The following JARID2 variants were observed in gnomAD, a reference collection of about 807,000 sequenced individuals.
The protein encoded by JARID2 is protein Jumonji.
A neutral mutation model predicts 125.6 loss-of-function variants in JARID2; 21 were observed. The observed-to-expected ratio is 0.17, with a 90% CI of 0.12 to 0.24. JARID2 has a LOEUF of 0.24. JARID2 is among the 10% of genes least tolerant of loss of function. The pLI is 1.00. For missense variants in JARID2, 1,303 were observed against 1,639.6 expected, an observed-to-expected ratio of 0.79 and a Z score of 3.55; for synonymous variants, 736 against 661.6, an observed-to-expected ratio of 1.11 and a Z score of -1.73.
At position 15,496,839 on chromosome 6, in the gene JARID2, C is replaced by T. The variant is rs766192727; in HGVS notation, c.1614C>T (p.Asp538=). ...SQPESVHKPQ[D]SGKAEKGGGK... ...CGGAGTCCGTGCACAAGCCGCAGGACTCGGGCAAGGCCGAGAAGGGCGGCG... is the reference window on the plus strand; with the variant it reads ...CGGAGTCCGTGCACAAGCCGCAGGATTCGGGCAAGGCCGAGAAGGGCGGCG... The change falls in exon 7 of 18, where the codon GAC becomes GAT. Residue 538 remains aspartate, a synonymous_variant. Coordinates refer to ENST00000341776, the MANE Select transcript of JARID2 (RefSeq NM_004973.4). 4 of 1,602,806 alleles carry T rather than the reference C, an allele frequency of 2.5e-6. No homozygotes were observed. The highest frequency in any genetic ancestry group is 1.7e-5 in the Admixed American group (1 of 59,514).
At chr6:15,508,033 G>A (rs1365445093) in intron 11 of JARID2, among the ~76,000 whole-genome samples, 1 of 152,240 alleles carries the variant, frequency 6.6e-6, no homozygotes, top group Non-Finnish European at 1.5e-5. Context: ...CCTCAGCCTT[G>A]AGGCTTGGGG....
At chr6:15,460,139 C>T (rs1323568536) in intron 4 of JARID2, among the ~76,000 whole-genome samples, 1 of 152,128 alleles carries the variant, frequency 6.6e-6, no homozygotes, top group Non-Finnish European at 1.5e-5. Context: ...TTACCTGTTT[C>T]ATTTGTTGGG....
chr6:15,249,570 A>G (rs79777194), intron 1 of JARID2, among the ~76,000 whole-genome samples: 11,650 of 152,258 alleles, frequency 0.077, 475 homozygotes, highest in Admixed American at 0.12. Context: ...AGTCACTGAA[A>G]AGATCATGTG....
At chr6:15,456,878 C>CTTTTTTTTTTTTTTTTTT (rs71535043) in intron 4 of JARID2, among the ~76,000 whole-genome samples, 4 of 95,672 alleles carry the variant, frequency 4.2e-5, no homozygotes, top group African/African-American at 1.6e-4. Context: ...GGATGTTAAG[C>CTTTTTTTTTTTTTTTTTT]TTTTTTTTTT....
intron 1 of JARID2, among the ~76,000 whole-genome samples, chr6:15,349,769 A>C (rs1036070559): frequency 3.3e-5 from 5 of 152,138 alleles, no homozygotes; most frequent in African/African-American, 1.2e-4. Context: ...AAGGCTGGGG[A>C]TGCTACCTCC....
intron 6 of JARID2, among the ~76,000 whole-genome samples, chr6:15,495,420 C>T (rs973462454): frequency 6.6e-6 from 1 of 152,060 alleles, no homozygotes; most frequent in Non-Finnish European, 1.5e-5. Context: ...GTTGCTTCAA[C>T]AGTGAGGTCG....
At position 15,471,261 on chromosome 6, in the gene JARID2, A is replaced by AC. The variant is rs536252747; in HGVS notation, c.670+2543_670+2544insC. Among the ~76,000 whole-genome samples the AC allele has an allele frequency of 2.0e-4, 30 of 152,340 alleles. 1 individual carries two copies. In the East Asian group the frequency reaches 5.4e-3, roughly 27 times the overall value. On this transcript the variant is annotated intron_variant, in intron 5 of 17. Coordinates refer to ENST00000341776, the MANE Select transcript of JARID2 (RefSeq NM_004973.4). ...ATTGAGAATACACCAGGAATTTATC[A>AC]TTTTGGAGCTGCTGCTTGAAGCCTC...
At chr6:15,375,495 A>G (rs1764318808) in intron 2 of JARID2, among the ~76,000 whole-genome samples, 1 of 152,234 alleles carries the variant, frequency 6.6e-6, no homozygotes, top group South Asian at 2.1e-4. Flanking sequence ...TGCAGAAAAC[A>G]AAATAAGTTG....
At chr6:15,404,131 C>T (rs936771921) in intron 2 of JARID2, among the ~76,000 whole-genome samples, 5 of 152,206 alleles carry the variant, frequency 3.3e-5, no homozygotes, top group Admixed American at 2.0e-4. Flanking sequence ...CATTTGTTCT[C>T]AGTCACACCA....
At chr6:15,258,847 G>A (rs189423236) in intron 1 of JARID2, among the ~76,000 whole-genome samples, 9 of 152,228 alleles carry the variant, frequency 5.9e-5, no homozygotes, top group Non-Finnish European at 1.0e-4. Context: ...AAGTCTTACA[G>A]ATTCTTGTGG....
chr6:15,386,816 C>CT lies in JARID2; in HGVS notation c.181+12566dup, dbSNP rs141267244. Among the ~76,000 whole-genome samples the CT allele has an allele frequency of 7.5e-3, 1,141 of 152,304 alleles. 15 individuals are homozygous for CT. The highest frequency in any genetic ancestry group is 0.026 in the African/African-American group (1,082 of 41,552). On this transcript the variant is annotated intron_variant, in intron 2 of 17. Transcript: ENST00000341776. Reference sequence around the variant, plus strand: ...ATCCCCTTAGCAGCTCCAGAAGTGGCTTATGTAGGCACAGTGTTGGAATAA... The same window carrying CT: ...ATCCCCTTAGCAGCTCCAGAAGTGGCTTTATGTAGGCACAGTGTTGGAATAA...
intron 6 of JARID2, among the ~76,000 whole-genome samples, chr6:15,488,066 C>T (rs749198586): frequency 3.3e-5 from 5 of 152,312 alleles, no homozygotes; most frequent in African/African-American, 1.2e-4. Flanking sequence ...CCACTGAAGG[C>T]ATTTGAGTCC....
chr6:15,460,757 T>A (rs1768407850), intron 4 of JARID2, among the ~76,000 whole-genome samples: 1 of 152,214 alleles, frequency 6.6e-6, no homozygotes, highest in African/African-American at 2.4e-5. Flanking sequence ...CAGGCTGGAG[T>A]GCAGTGGCGT....
intron 3 of JARID2, among the ~76,000 whole-genome samples, chr6:15,449,847 G>A (rs531921752): frequency 6.6e-6 from 1 of 152,204 alleles, no homozygotes; most frequent in East Asian, 1.9e-4. Flanking sequence ...TCATAGGGGA[G>A]ACAAGAGTAG....
intron 4 of JARID2, among the ~76,000 whole-genome samples, chr6:15,460,057 G>T (rs1209896808): frequency 6.6e-6 from 1 of 152,094 alleles, no homozygotes; most frequent in Non-Finnish European, 1.5e-5. Context: ...GTTTGAGAAC[G>T]GTGTCATCAC....
chr6:15,291,018 G>T (rs1194052050), intron 1 of JARID2, among the ~76,000 whole-genome samples: 1 of 152,166 alleles, frequency 6.6e-6, no homozygotes, highest in East Asian at 1.9e-4. Context: ...GAGATCATTT[G>T]AACTCAGGAG....
At chr6:15,415,827 C>CCCCGACCT (rs1766162043) in intron 3 of JARID2, among the ~76,000 whole-genome samples, 2 of 135,646 alleles carry the variant, frequency 1.5e-5, no homozygotes, top group Non-Finnish European at 3.2e-5. Flanking sequence ...GGGGCTGACC[C>CCCCGACCT]CCCCACCTCC....
At chr6:15,331,051 CAA>C (rs1265359546) in intron 1 of JARID2, among the ~76,000 whole-genome samples, 3 of 152,004 alleles carry the variant, frequency 2.0e-5, no homozygotes, top group African/African-American at 7.3e-5. Context: ...TTTAATAAAG[CAA>C]AAAGGCTGGA....
In JARID2 at chr6:15,377,071, A is replaced by T. The variant is rs139073628; in HGVS notation, c.181+2819A>T. On this transcript the variant is annotated intron_variant, in intron 2 of 17. Transcript: ENST00000341776. ...GATACTTTATAGTCAGCCATCACTC[A>T]TGTCCTATCTCATAGAAACACTTCC... 3.3e-3 allele frequency among the ~76,000 whole-genome samples: 505 copies of T among 152,358 alleles called. 4 individuals are homozygous for T. Among genetic ancestry groups the T allele is most frequent in the African/African-American group, 0.012 (487 of 41,578 alleles).
Sources: allele counts gnomAD v4.1 joint callset (sites outside exome capture counted in the v4.1 genomes callset), GRCh38; gene constraint gnomAD v4.1.1; transcripts MANE v1.5; gene names NCBI Gene and HGNC (gene_info 2026-07-23, HGNC 2026-07-21).